USP25: variants seen among roughly 807,000 people sequenced by gnomAD.
USP25 encodes the protein ubiquitin specific peptidase 25.
Under a neutral mutation model 158.5 loss-of-function variants are expected in USP25, and 85 were observed. The observed-to-expected ratio is 0.54, with a 90% CI of 0.45 to 0.64. USP25 has a LOEUF of 0.64. Ranked by LOEUF, USP25 falls within the 30% of genes least tolerant of loss-of-function variation. USP25 has a pLI of 0.00. For synonymous variants in USP25, 464 were observed against 460.4 expected (o/e 1.01, Z -0.10); for missense variants, 1,242 against 1,327.3 (o/e 0.94, Z 1.00).
chr21:15,835,981 A>G (rs1023806451), intron 17 of USP25, among the ~76,000 whole-genome samples: 1 of 152,276 alleles, frequency 6.6e-6, no homozygotes, highest in Admixed American at 6.5e-5. Context: ...CCTATTATTA[A>G]TAGGGAAATT....
chr21:15,758,425 A>G (rs536376289), intron 1 of USP25, among the ~76,000 whole-genome samples: 19 of 152,244 alleles, frequency 1.2e-4, no homozygotes, highest in African/African-American at 4.1e-4. Context: ...ATGATAGTGA[A>G]TAAGTGTCAC....
At chr21:15,789,274 A>G (rs1490004722) in intron 4 of USP25, among the ~76,000 whole-genome samples, 8 of 152,106 alleles carry the variant, frequency 5.3e-5, no homozygotes, top group African/African-American at 1.7e-4. Context: ...TACTTAAAAC[A>G]TTTCAAAAGA....
chr21:15,818,381 T>G (rs1449968905), intron 9 of USP25, among the ~76,000 whole-genome samples: 1 of 152,208 alleles, frequency 6.6e-6, no homozygotes, highest in Non-Finnish European at 1.5e-5. Flanking sequence ...GGACCATATC[T>G]CTCTTGTTCA....
intron 18 of USP25, 62 bp downstream of exon 18, chr21:15,842,602 G>A (rs1402991558): frequency 1.9e-6 from 3 of 1,577,370 alleles, no homozygotes; most frequent in Non-Finnish European, 2.6e-6. Flanking sequence ...CTCCAGTATA[G>A]TGGAGAGGGA....
chr21:15,819,203 C>T (rs529435259), intron 10 of USP25, among the ~76,000 whole-genome samples: 6 of 152,300 alleles, frequency 3.9e-5, no homozygotes, highest in Admixed American at 3.9e-4. Context: ...ATATATGCTA[C>T]TTATATCAAC....
intron 19 of USP25, among the ~76,000 whole-genome samples, chr21:15,848,530 G>GTT (rs143183756): frequency 1.3e-5 from 2 of 151,994 alleles, no homozygotes; most frequent in Non-Finnish European, 2.9e-5. Flanking sequence ...AGAGGAGGCC[G>GTT]TAACTATTGG....
intron 1 of USP25, among the ~76,000 whole-genome samples, chr21:15,741,578 C>T (rs1255169712): frequency 6.6e-6 from 1 of 152,006 alleles, no homozygotes; most frequent in African/African-American, 2.4e-5. Flanking sequence ...TGTATATTTC[C>T]CTAATGACTA....
chr21:15,853,778 A>G (rs74993878), intron 20 of USP25, among the ~76,000 whole-genome samples: 11,874 of 152,006 alleles, frequency 0.078, 511 homozygotes, highest in East Asian at 0.092. Flanking sequence ...TGGTAAATGA[A>G]TTTGAGAGCT....
intron 1 of USP25, among the ~76,000 whole-genome samples, chr21:15,745,590 C>T (rs1032574190): frequency 1.3e-5 from 2 of 151,254 alleles, no homozygotes; most frequent in Admixed American, 6.6e-5. Context: ...ATTCTTCTGC[C>T]TCAGCCTCCT....
At chr21:15,839,616 C>T (rs2038230920) in intron 17 of USP25, among the ~76,000 whole-genome samples, 2 of 152,052 alleles carry the variant, frequency 1.3e-5, no homozygotes, top group African/African-American at 2.4e-5. Flanking sequence ...AAATTTTCCA[C>T]ATTTTTCTTG....
intron 4 of USP25, among the ~76,000 whole-genome samples, chr21:15,783,437 C>G (rs953677340): frequency 1.3e-5 from 2 of 151,482 alleles, no homozygotes; most frequent in African/African-American, 4.9e-5. Flanking sequence ...AAAATTCAGC[C>G]CCTCAAAATC....
chr21:15,738,484 A>T (rs1241165464), intron 1 of USP25, among the ~76,000 whole-genome samples: 1 of 152,236 alleles, frequency 6.6e-6, no homozygotes, highest in African/African-American at 2.4e-5. Context: ...AAACTATTGT[A>T]CATCTTTTGT....
At chr21:15,761,304 A>G (rs1160703564) in intron 1 of USP25, among the ~76,000 whole-genome samples, 1 of 152,200 alleles carries the variant, frequency 6.6e-6, no homozygotes, top group African/African-American at 2.4e-5. Context: ...AGACATGAGC[A>G]GGGCAGAAGG....
intron 17 of USP25, among the ~76,000 whole-genome samples, chr21:15,840,403 A>G (rs1334926923): frequency 6.6e-6 from 1 of 151,992 alleles, no homozygotes; most frequent in African/African-American, 2.4e-5. Context: ...TTTGTTTTTT[A>G]TATTTTTAAT....
chr21:15,818,642 A>C, intron 9 of USP25, 56 bp from the exon 10 acceptor site: 1 of 1,481,090 alleles, frequency 6.8e-7, no homozygotes, highest in Non-Finnish European at 9.2e-7. Context: ...ACGTACTCTT[A>C]ATTTTAGTAG....
chr21:15,825,083 TAGG>T, intron 12 of USP25, 22 bp downstream of exon 12: 1 of 1,526,358 alleles, frequency 6.6e-7, no homozygotes, highest in Non-Finnish European at 8.9e-7. Flanking sequence ...TTTATGAAAT[TAGG>T]AGATAATTAT....
intron 1 of USP25, among the ~76,000 whole-genome samples, chr21:15,739,839 T>A (rs930293677): frequency 6.6e-6 from 1 of 152,222 alleles, no homozygotes; most frequent in Non-Finnish European, 1.5e-5. Flanking sequence ...AAGTTGAATT[T>A]ATAAAAGGAT....
At chr21:15,853,477 A>G (rs1390738453) in intron 20 of USP25, among the ~76,000 whole-genome samples, 1 of 152,114 alleles carries the variant, frequency 6.6e-6, no homozygotes, top group African/African-American at 2.4e-5. Context: ...TATTTGAATT[A>G]GTTTAGAGTA....
In USP25 at chr21:15,831,762, G is replaced by A. The variant is rs1051625100; in HGVS notation, c.1993+133G>A. 1.6e-5 allele frequency: 12 copies of A among 758,476 alleles called. 1 individual carries two copies. In the South Asian group the frequency reaches 1.9e-4, roughly 12 times the overall value. 47.0% of individuals were successfully genotyped at this position (758,476 alleles called of 1,614,324 possible). On this transcript the variant is annotated intron_variant, in intron 16 of 25. Coordinates refer to ENST00000400183, the MANE Select transcript of USP25 (RefSeq NM_001283041.3). ...AGGAAATGCTACTGGGTTTTGACAA[G>A]ACTGAATTGAAAAGTAATGTCGTCA...
Sources: allele counts gnomAD v4.1 joint callset (sites outside exome capture counted in the v4.1 genomes callset), GRCh38; gene constraint gnomAD v4.1.1; transcripts MANE v1.5; gene names NCBI Gene and HGNC (gene_info 2026-07-23, HGNC 2026-07-21).